The following ANKRD30BL variants were observed in gnomAD, a reference collection of about 807,000 sequenced individuals.
ANKRD30BL encodes ankyrin repeat domain 30B like, also known as putative ankyrin repeat domain-containing protein 30B-like.
Under a neutral mutation model 18.4 loss-of-function variants are expected in ANKRD30BL, and 20 were observed. The ratio of observed to expected loss-of-function variants is 1.09; its 90% CI spans 0.77 to 1.58. ANKRD30BL has a LOEUF of 1.58. ANKRD30BL is among the 40% of genes most tolerant of loss of function. The pLI is 0.00. For synonymous variants in ANKRD30BL, 72 were observed against 100.9 expected (o/e 0.71, Z 1.72); for missense variants, 224 against 268.6 (o/e 0.83, Z 1.16).
intron 1 of ANKRD30BL, among the ~76,000 whole-genome samples, chr2:132,253,981 C>G (rs2104812547): frequency 6.6e-6 from 1 of 152,008 alleles, no homozygotes; most frequent in South Asian, 2.1e-4. Context: ...GGGGCTGGGA[C>G]AGTGGGACAG....
chr2:132,183,282 C>G (rs1042332037), intron 1 of ANKRD30BL, among the ~76,000 whole-genome samples: 7 of 151,858 alleles, frequency 4.6e-5, no homozygotes, highest in African/African-American at 1.7e-4. Context: ...CAGACATGTG[C>G]CATCATGCCC....
intron 1 of ANKRD30BL, among the ~76,000 whole-genome samples, chr2:132,193,335 T>A (rs1678897960): frequency 6.6e-6 from 1 of 151,260 alleles, no homozygotes; most frequent in Non-Finnish European, 1.5e-5. Flanking sequence ...AATGAGACTC[T>A]TATATGGCAA....
intron 1 of ANKRD30BL, among the ~76,000 whole-genome samples, chr2:132,186,357 A>C (rs1260613100): frequency 6.6e-6 from 1 of 152,190 alleles, no homozygotes; most frequent in Admixed American, 6.5e-5. Context: ...GACATTCAAA[A>C]AGCATAAAGT....
chr2:132,217,261 T>A (rs1679531580), intron 1 of ANKRD30BL, among the ~76,000 whole-genome samples: 1 of 152,014 alleles, frequency 6.6e-6, no homozygotes, highest in South Asian at 2.1e-4. Context: ...AAAGGGAATA[T>A]CTTCACATAA....
At chr2:132,175,237 A>G (rs1216008710) in intron 1 of ANKRD30BL, among the ~76,000 whole-genome samples, 2 of 151,780 alleles carry the variant, frequency 1.3e-5, no homozygotes, top group Admixed American at 6.6e-5. Context: ...GGAATGCAGT[A>G]GGAGAGCAGG....
rs1008202450 is a variant in ANKRD30BL at position 132,188,445 on chromosome 2, G to C, written n.442-31299C>G. The stretch of plus-strand genomic sequence containing the variant: ...AAAATCAAATTAGCGGGCAGGGCGC[G>C]GTGGCTCACGCCTATAATCCCAGCA... On this transcript the variant is annotated intron_variant and non_coding_transcript_variant, in intron 1 of 4. Transcript: ENST00000470729. Among the ~76,000 whole-genome samples, 189 of 152,288 alleles carry C rather than the reference G, an allele frequency of 1.2e-3. 2 individuals are homozygous for C. The highest frequency in any genetic ancestry group is 4.2e-3 in the African/African-American group (175 of 41,550).
At chr2:132,154,501 G>T (rs1687847132) in intron 4 of ANKRD30BL, among the ~76,000 whole-genome samples, 161 bp downstream of exon 4, 1 of 152,106 alleles carries the variant, frequency 6.6e-6, no homozygotes, top group African/African-American at 2.4e-5. Flanking sequence ...GTGTTGACCA[G>T]TCCAAATAAT....
At chr2:132,208,094 G>C (rs1370852922) in intron 1 of ANKRD30BL, among the ~76,000 whole-genome samples, 2 of 151,988 alleles carry the variant, frequency 1.3e-5, no homozygotes, top group Non-Finnish European at 2.9e-5. Flanking sequence ...GGAAAATTCT[G>C]CCTCTCATAG....
intron 1 of ANKRD30BL, among the ~76,000 whole-genome samples, chr2:132,191,810 C>T (rs1158939720): frequency 6.9e-6 from 1 of 145,118 alleles, no homozygotes; most frequent in South Asian, 2.1e-4. Context: ...GGCAAGATCT[C>T]GGCTCACTGC....
At chr2:132,176,949 A>G (rs1688375929) in intron 1 of ANKRD30BL, among the ~76,000 whole-genome samples, 1 of 152,206 alleles carries the variant, frequency 6.6e-6, no homozygotes, top group African/African-American at 2.4e-5. Context: ...TAAGGTCTTT[A>G]AAATTTTAAA....
At chr2:132,236,578 C>G (rs1277114866) in intron 1 of ANKRD30BL, among the ~76,000 whole-genome samples, 2 of 152,062 alleles carry the variant, frequency 1.3e-5, no homozygotes, top group East Asian at 3.9e-4. Flanking sequence ...CAATGAGATA[C>G]CATCTCACAC....
intron 4 of ANKRD30BL, among the ~76,000 whole-genome samples, chr2:132,153,236 A>G (rs7606823): frequency 0.66 from 100,081 of 152,104 alleles, 34,622 homozygotes; most frequent in African/African-American, 0.89. Context: ...ATTCAAGAAT[A>G]AAGGTATGGA....
chr2:132,166,071 T>C (rs532147321), upstream of ANKRD30BL, among the ~76,000 whole-genome samples: 1 of 152,324 alleles, frequency 6.6e-6, no homozygotes, highest in South Asian at 2.1e-4. Flanking sequence ...CATCAGTTGA[T>C]ACAGTCACAT....
chr2:132,196,295 A>C (rs1678969009), intron 1 of ANKRD30BL, among the ~76,000 whole-genome samples: 1 of 152,220 alleles, frequency 6.6e-6, no homozygotes, highest in Non-Finnish European at 1.5e-5. Context: ...CCTGGCCAAC[A>C]TGGCGAAACC....
intron 1 of ANKRD30BL, among the ~76,000 whole-genome samples, chr2:132,233,054 T>C (rs1226687657): frequency 6.6e-6 from 1 of 152,002 alleles, no homozygotes; most frequent in African/African-American, 2.4e-5. Flanking sequence ...GAAAAGAATT[T>C]TCAACCCAGA....
intron 1 of ANKRD30BL, among the ~76,000 whole-genome samples, chr2:132,223,025 A>G (rs923640801): frequency 6.6e-5 from 10 of 151,780 alleles, no homozygotes; most frequent in Non-Finnish European, 1.2e-4. Context: ...ACCTTATGAT[A>G]AAGCAGTTTT....
rs1390901605 is a variant in ANKRD30BL, at chr2:132,151,926, A to C, written c.615-950T>G. Among the ~76,000 whole-genome samples the C allele has an allele frequency of 1.8e-4, 28 of 152,224 alleles. No individual in the cohort carries two copies. In the East Asian group the frequency reaches 5.2e-3, roughly 28 times the overall value. ...CTACCTCCTTAAACTCTGAACCAACAAATCTTTGTTAGAATGATGCTTAGT... is the reference window on the plus strand; with the variant it reads ...CTACCTCCTTAAACTCTGAACCAACCAATCTTTGTTAGAATGATGCTTAGT... On this transcript the variant is annotated intron_variant, in intron 4 of 5. Transcript: ENST00000409867.
At chr2:132,228,261 C>T (rs76977593) in intron 1 of ANKRD30BL, among the ~76,000 whole-genome samples, 2 of 151,502 alleles carry the variant, frequency 1.3e-5, no homozygotes, top group Non-Finnish European at 2.9e-5. Flanking sequence ...GAAATATTTT[C>T]ACATCAAAAC....
intron 1 of ANKRD30BL, among the ~76,000 whole-genome samples, chr2:132,230,384 T>G (rs1318330733): frequency 3.9e-5 from 6 of 152,024 alleles, no homozygotes; most frequent in Non-Finnish European, 7.4e-5. Flanking sequence ...GAACTTTCCT[T>G]TGATAGAGCA....
Sources: allele counts gnomAD v4.1 joint callset (sites outside exome capture counted in the v4.1 genomes callset), GRCh38; gene constraint gnomAD v4.1.1; transcripts MANE v1.5; gene names NCBI Gene and HGNC (gene_info 2026-07-23, HGNC 2026-07-21).